Variants in TBC1D19 observed in about 807,000 individuals in gnomAD.
The protein encoded by TBC1D19 is TBC1 domain family, member 19.
Under a neutral mutation model 89.0 loss-of-function variants are expected in TBC1D19, and 60 were observed. The observed-to-expected ratio is 0.67, with a 90% CI of 0.55 to 0.84. The LOEUF (loss-of-function observed/expected upper bound fraction) is 0.84. TBC1D19 is among the 40% of genes least tolerant of loss of function. TBC1D19 has a pLI of 0.00. For missense variants in TBC1D19, 500 were observed against 610.8 expected (o/e 0.82, Z 1.91); for synonymous variants, 189 against 199.7 (o/e 0.95, Z 0.45).
At chr4:26,793,933 T>C in the TBC1D19 span, among the ~76,000 whole-genome samples, 2 of 152,162 alleles carry the variant, frequency 1.3e-5, no homozygotes. Context: ...GGAAGAGATT[T>C]GATTGGTCCA....
At chr4:26,717,122 G>GAA (rs1716678455) in intron 13 of TBC1D19, among the ~76,000 whole-genome samples, 1 of 151,914 alleles carries the variant, frequency 6.6e-6, no homozygotes, top group African/African-American at 2.4e-5. Context: ...CTTGTGTCTT[G>GAA]GACACAAGGA....
At chr4:26,604,222 C>T (rs1381125277) in intron 1 of TBC1D19, among the ~76,000 whole-genome samples, 5 of 143,524 alleles carry the variant, frequency 3.5e-5, no homozygotes, top group East Asian at 2.1e-4. Context: ...GGCGCGGTCT[C>T]GGCTCACTGC....
the TBC1D19 span, among the ~76,000 whole-genome samples, chr4:26,839,252 T>G: frequency 6.6e-6 from 1 of 152,166 alleles, no homozygotes; most frequent in Non-Finnish European, 1.5e-5. Flanking sequence ...GATAAAAATT[T>G]TAAAGCGGCT....
intron 13 of TBC1D19, among the ~76,000 whole-genome samples, chr4:26,693,462 G>A (rs1448182541): frequency 6.6e-6 from 1 of 152,148 alleles, no homozygotes; most frequent in Non-Finnish European, 1.5e-5. Flanking sequence ...GGGAAGCTGA[G>A]GCAGGACAAT....
the TBC1D19 span, among the ~76,000 whole-genome samples, chr4:26,839,789 G>A: frequency 1.3e-5 from 2 of 151,998 alleles, no homozygotes; most frequent in East Asian, 1.9e-4. Flanking sequence ...GACCTTCTGC[G>A]GCATTGCACA....
intron 13 of TBC1D19, among the ~76,000 whole-genome samples, chr4:26,711,952 G>A (rs1047183136): frequency 2.0e-5 from 3 of 151,918 alleles, no homozygotes; most frequent in African/African-American, 4.8e-5. Flanking sequence ...CCTTACAATC[G>A]CCAATATTCT....
intron 1 of TBC1D19, among the ~76,000 whole-genome samples, chr4:26,594,470 T>A (rs569405144): frequency 3.9e-5 from 6 of 152,142 alleles, no homozygotes; most frequent in Admixed American, 6.5e-5. Context: ...CCTGTTTTTC[T>A]GTGACTAGTG....
chr4:26,614,666 C>T (rs1432878791), intron 3 of TBC1D19, among the ~76,000 whole-genome samples: 4 of 151,746 alleles, frequency 2.6e-5, no homozygotes, highest in Non-Finnish European at 5.9e-5. Context: ...TTTTTACCAC[C>T]CACTATTGAA....
At chr4:26,665,208 A>G (rs923457364) in intron 8 of TBC1D19, among the ~76,000 whole-genome samples, 2 of 152,182 alleles carry the variant, frequency 1.3e-5, no homozygotes, top group Non-Finnish European at 2.9e-5. Flanking sequence ...GATAAAGATT[A>G]AAAATTGAAA....
intron 8 of TBC1D19, among the ~76,000 whole-genome samples, chr4:26,663,805 G>GAC (rs1711553343): frequency 6.6e-6 from 1 of 152,134 alleles, no homozygotes; most frequent in East Asian, 1.9e-4. Context: ...CTGTCTGTGC[G>GAC]AGTATTGAAC....
At chr4:26,756,640 A>G (rs1229840973), downstream of TBC1D19, among the ~76,000 whole-genome samples, 2 of 152,188 alleles carry the variant, frequency 1.3e-5, no homozygotes, top group Non-Finnish European at 1.5e-5. Context: ...ATGAGAAAAT[A>G]CTATATTTGA....
chr4:26,668,540 TA>T (rs1712012732), intron 9 of TBC1D19, among the ~76,000 whole-genome samples: 1 of 151,976 alleles, frequency 6.6e-6, no homozygotes, highest in Non-Finnish European at 1.5e-5. Flanking sequence ...TACAGTGTGG[TA>T]TTTGCTGTTA....
At chr4:26,754,796 A>T (rs996843941) in intron 20 of TBC1D19, 77 bp from the exon 21 acceptor site, 6 of 1,194,756 alleles carry the variant, frequency 5.0e-6, no homozygotes, top group Non-Finnish European at 6.9e-6. Context: ...TAGTGTCAAA[A>T]TTACATTGTA....
downstream of TBC1D19, among the ~76,000 whole-genome samples, chr4:26,757,759 C>T (rs944656777): frequency 1.3e-5 from 2 of 152,102 alleles, no homozygotes; most frequent in Non-Finnish European, 2.9e-5. Context: ...TTTTCTCTCC[C>T]CCCAGATTTA....
chr4:26,642,848 T>G (rs1331098241), intron 7 of TBC1D19, among the ~76,000 whole-genome samples: 1 of 152,252 alleles, frequency 6.6e-6, no homozygotes, highest in East Asian at 1.9e-4. Context: ...CATTACATAA[T>G]GGTAAGGGAT....
At chr4:26,837,862 C>T in the TBC1D19 span, among the ~76,000 whole-genome samples, 1 of 151,980 alleles carries the variant, frequency 6.6e-6, no homozygotes, top group Admixed American at 6.5e-5. Context: ...AGCAGGAGGA[C>T]CAAGACAGTT....
intron 17 of TBC1D19, chr4:26,740,605 T>C: frequency 1.0e-6 from 1 of 962,202 alleles, no homozygotes; most frequent in Non-Finnish European, 1.2e-6. Flanking sequence ...TGTTCTCTTT[T>C]GGCTGTTCCT....
chr4:26,768,048 A>C, the TBC1D19 span, among the ~76,000 whole-genome samples: 2 of 152,164 alleles, frequency 1.3e-5, no homozygotes. Context: ...AGAGAGATGC[A>C]CAGAGAGGGA....
chr4:26,674,611 C>G (rs142932795), intron 11 of TBC1D19, among the ~76,000 whole-genome samples: 1 of 151,970 alleles, frequency 6.6e-6, no homozygotes, highest in East Asian at 1.9e-4. Flanking sequence ...CAACTTCTAG[C>G]TCACCCAGCT....
Sources: gnomAD v4.1 joint callset for allele counts (sites outside exome capture counted in the v4.1 genomes callset) on GRCh38, gnomAD v4.1.1 for gene constraint, MANE v1.5 for transcripts, NCBI Gene and HGNC (gene_info 2026-07-23, HGNC 2026-07-21) for gene names.